Variants in ESRRG observed in about 807,000 individuals in gnomAD.
The protein encoded by ESRRG is estrogen related receptor gamma, also known as estrogen-related receptor gamma.
In ESRRG, 13 loss-of-function variants were observed where a neutral mutation model predicts 44.0. The observed-to-expected ratio is 0.30, with a 90% CI of 0.19 to 0.47. The LOEUF is 0.47. Among genes scored for constraint, ESRRG ranks in the 20% least tolerant of loss-of-function variants. The pLI, the probability that ESRRG is intolerant of heterozygous loss-of-function variation, is 1.00. For missense variants in ESRRG, 395 were observed against 580.6 expected (o/e 0.68, Z 3.29); for synonymous variants, 215 against 214.6 (o/e 1.00, Z -0.02).
chr1:216,645,029 A>G (rs932849222), intron 3 of ESRRG, among the ~76,000 whole-genome samples: 1 of 152,180 alleles, frequency 6.6e-6, no homozygotes, highest in African/African-American at 2.4e-5. Context: ...ACTGCACTTC[A>G]ATATATTGAC....
chr1:216,830,124 C>T (rs1361781278), intron 2 of ESRRG, among the ~76,000 whole-genome samples: 2 of 152,084 alleles, frequency 1.3e-5, no homozygotes, highest in Admixed American at 1.3e-4. Context: ...TTGCAAGGTG[C>T]CATTAGGGCC....
intron 1 of ESRRG, among the ~76,000 whole-genome samples, chr1:216,686,487 A>AGCATCCAG (rs2078004181): frequency 6.6e-6 from 1 of 151,200 alleles, no homozygotes; most frequent in Non-Finnish European, 1.5e-5. Flanking sequence ...GCAGAAACAT[A>AGCATCCAG]GCATCCAGTG....
intron 6 of ESRRG, among the ~76,000 whole-genome samples, chr1:216,518,943 C>T (rs529678170): frequency 2.6e-5 from 4 of 152,122 alleles, no homozygotes; most frequent in Non-Finnish European, 5.9e-5. Context: ...AGTTTCAAAG[C>T]ATTCAATAAG....
chr1:216,829,679 A>C (rs2148720433), intron 2 of ESRRG, among the ~76,000 whole-genome samples: 1 of 151,546 alleles, frequency 6.6e-6, no homozygotes, highest in Non-Finnish European at 1.5e-5. Flanking sequence ...CTCAGCCCCT[A>C]GGTAGCTGGG....
At chr1:216,525,346 C>T (rs2047321676) in intron 5 of ESRRG, among the ~76,000 whole-genome samples, 1 of 152,012 alleles carries the variant, frequency 6.6e-6, no homozygotes, top group African/African-American at 2.4e-5. Context: ...CCTTACTTAC[C>T]CCTACTTACC....
chr1:216,774,084 C>A (rs903974482), intron 2 of ESRRG, among the ~76,000 whole-genome samples: 2 of 152,082 alleles, frequency 1.3e-5, no homozygotes, highest in Non-Finnish European at 1.5e-5. Context: ...ATAGAGGCCA[C>A]ATAGCTTAGG....
chr1:216,678,346 A>G (rs1277862753), intron 1 of ESRRG, among the ~76,000 whole-genome samples: 3 of 152,224 alleles, frequency 2.0e-5, no homozygotes, highest in Admixed American at 2.0e-4. Flanking sequence ...GTATACCTGT[A>G]AGTCCACAAA....
chr1:217,020,627 AG>A lies in ESRRG; in HGVS notation c.-106+68879del, dbSNP rs962196473. ...TTAGAGGGCCTAGAACACTTGTTCA[AG>A]GGGGGCAAGGACAAGAAGAACAAGA... is the stretch of plus-strand genomic sequence containing the variant. On this transcript the variant is annotated intron_variant, in intron 1 of 7. Coordinates refer to the ESRRG transcript ENST00000359162. Among the ~76,000 whole-genome samples, 11 of 152,308 alleles carry A rather than the reference AG, an allele frequency of 7.2e-5. No individual in the cohort carries two copies. The East Asian group carries it at 2.1e-3, about 29-fold the overall frequency.
chr1:217,067,266 G>C (rs2089880939), intron 1 of ESRRG, among the ~76,000 whole-genome samples: 1 of 152,104 alleles, frequency 6.6e-6, no homozygotes, highest in South Asian at 2.1e-4. Flanking sequence ...TAATTTCTAG[G>C]AGTACTAAAG....
At chr1:216,970,487 A>T (rs1015692507) in intron 1 of ESRRG, among the ~76,000 whole-genome samples, 2 of 152,212 alleles carry the variant, frequency 1.3e-5, no homozygotes, top group Non-Finnish European at 2.9e-5. Context: ...TAAAAATTAG[A>T]TGCCAATGAC....
At chr1:216,623,243 C>T (rs181574354) in intron 3 of ESRRG, among the ~76,000 whole-genome samples, 32 of 151,984 alleles carry the variant, frequency 2.1e-4, no homozygotes, top group East Asian at 3.9e-4. Context: ...CCACCACGCC[C>T]GGCTAATTTT....
chr1:217,116,867 G>A (rs187679487), intron 1 of ESRRG, among the ~76,000 whole-genome samples: 3 of 152,136 alleles, frequency 2.0e-5, no homozygotes, highest in African/African-American at 7.2e-5. Context: ...AAGGATTGAG[G>A]ATAAATTTAA....
chr1:216,785,626 C>T (rs887763114), intron 2 of ESRRG, among the ~76,000 whole-genome samples: 7 of 152,054 alleles, frequency 4.6e-5, no homozygotes, highest in Admixed American at 4.6e-4. Flanking sequence ...AACCAAACAA[C>T]CAAAAATGGT....
chr1:216,723,453 TA>T (rs2086813555), upstream of ESRRG: 2 of 672,662 alleles, frequency 3.0e-6, no homozygotes, highest in African/African-American at 1.8e-5. Flanking sequence ...ATCAAGGACT[TA>T]AAGCCCCGAT....
chr1:216,955,134 C>T (rs1398646233), intron 1 of ESRRG, among the ~76,000 whole-genome samples: 2 of 152,108 alleles, frequency 1.3e-5, no homozygotes, highest in African/African-American at 2.4e-5. Context: ...CTATAGAACA[C>T]TAGAACTTAT....
chr1:216,847,853 T>C (rs561507833), intron 2 of ESRRG, among the ~76,000 whole-genome samples: 2 of 152,184 alleles, frequency 1.3e-5, no homozygotes, highest in South Asian at 4.2e-4. Flanking sequence ...CCTCTAACTC[T>C]CTAGTGTACA....
intron 3 of ESRRG, among the ~76,000 whole-genome samples, chr1:216,573,589 G>A (rs917821607): frequency 3.3e-5 from 5 of 151,618 alleles, no homozygotes; most frequent in Admixed American, 6.6e-5. Context: ...AGATATGATC[G>A]AACGGTAAAA....
intron 1 of ESRRG, among the ~76,000 whole-genome samples, chr1:216,714,165 C>T (rs2084277825): frequency 1.3e-5 from 2 of 152,116 alleles, no homozygotes; most frequent in South Asian, 4.1e-4. Context: ...ACTATAAAAG[C>T]ACTCAACTAG....
At chr1:217,085,028 G>A (rs977665352) in intron 1 of ESRRG, among the ~76,000 whole-genome samples, 7 of 151,984 alleles carry the variant, frequency 4.6e-5, no homozygotes, top group East Asian at 3.9e-4. Context: ...CAAGAGGAAC[G>A]GGAGATGAGA....
Sources: allele counts gnomAD v4.1 joint callset (sites outside exome capture counted in the v4.1 genomes callset), GRCh38; gene constraint gnomAD v4.1.1; transcripts MANE v1.5; gene names NCBI Gene and HGNC (gene_info 2026-07-23, HGNC 2026-07-21).